The following PVT1 variants were observed in gnomAD, a reference collection of about 807,000 sequenced individuals.
The protein encoded by PVT1 is Pvt1 oncogene, also known as CXCR4/PVT1 fusion.
intron 4 of PVT1, among the ~76,000 whole-genome samples, chr8:128,066,927 C>T (rs557980104): frequency 5.9e-5 from 9 of 152,232 alleles, no homozygotes; most frequent in African/African-American, 1.9e-4. Context: ...TTCTTGCTGG[C>T]CACTGAGCAT....
rs374881885 is a variant in PVT1 at position 128,005,572 on chromosome 8, C to T, written n.912+16281C>T. Among the ~76,000 whole-genome samples the T allele has an allele frequency of 4.6e-5, 7 of 152,292 alleles. No individual in the cohort carries two copies. In the South Asian group the frequency reaches 1.5e-3, roughly 32 times the overall value. On this transcript the variant is annotated intron_variant and non_coding_transcript_variant, in intron 4 of 10. Transcript: ENST00000651587. ...ACTGCAGTGTGTCCTGGAGCCCTGA[C>T]TTAGTTAAACCTCAGAACATCCCTC...
intron 2 of PVT1, among the ~76,000 whole-genome samples, chr8:127,839,569 A>G (rs534510622): frequency 6.6e-6 from 1 of 150,708 alleles, no homozygotes. Flanking sequence ...AAATAAAAAA[A>G]AAATGAAAAA....
intron 2 of PVT1, among the ~76,000 whole-genome samples, chr8:127,797,819 T>C (rs948701792): frequency 6.6e-6 from 1 of 152,160 alleles, no homozygotes; most frequent in African/African-American, 2.4e-5. Flanking sequence ...AATTATATGA[T>C]CTCATTTAAC....
chr8:128,089,588 C>A (rs1218653332), intron 5 of PVT1, among the ~76,000 whole-genome samples: 1 of 152,214 alleles, frequency 6.6e-6, no homozygotes, highest in Non-Finnish European at 1.5e-5. Flanking sequence ...AAGGATTCAA[C>A]ATTGCCCCTG....
chr8:128,092,315 C>T (rs554458749), intron 5 of PVT1, among the ~76,000 whole-genome samples: 37 of 152,028 alleles, frequency 2.4e-4, no homozygotes, highest in African/African-American at 8.7e-4. Flanking sequence ...TCAGGTGTCC[C>T]CAGCTCCCTG....
chr8:127,839,078 A>G lies in PVT1; in HGVS notation n.372+43007A>G, dbSNP rs761630245. ...ATGTGTAGTGAGTAGGCTGTCATCT[A>G]GTTTTGTACAAACTCCCTCTGTAAT... On this transcript the variant is annotated intron_variant and non_coding_transcript_variant, in intron 2 of 10. Coordinates refer to ENST00000651587, the Ensembl canonical transcript of PVT1. 2.0e-4 allele frequency among the ~76,000 whole-genome samples: 30 copies of G among 152,318 alleles called. No individual in the cohort carries two copies. The South Asian group carries it at 2.5e-3, about 13-fold the overall frequency.
At chr8:128,074,543 G>GC (rs1228993412) in intron 5 of PVT1, among the ~76,000 whole-genome samples, 2 of 150,692 alleles carry the variant, frequency 1.3e-5, no homozygotes, top group South Asian at 4.2e-4. Context: ...AAAAGGGGGG[G>GC]GCTCCTTCCC....
At chr8:127,903,346 C>T (rs1268660249) in intron 3 of PVT1, among the ~76,000 whole-genome samples, 1 of 152,176 alleles carries the variant, frequency 6.6e-6, no homozygotes, top group Non-Finnish European at 1.5e-5. Context: ...TTGTCAAATG[C>T]ATACTTTGTG....
At chr8:127,975,138 ATAACCT>A (rs1426608065) in intron 3 of PVT1, among the ~76,000 whole-genome samples, 1 of 152,230 alleles carries the variant, frequency 6.6e-6, no homozygotes, top group African/African-American at 2.4e-5. Context: ...CTTCGTGCAT[ATAACCT>A]TTTTCTTCTT....
intron 3 of PVT1, among the ~76,000 whole-genome samples, chr8:127,933,294 C>T (rs1047715011): frequency 5.9e-5 from 9 of 152,166 alleles, no homozygotes; most frequent in African/African-American, 1.2e-4. Flanking sequence ...AGGCTGGTCT[C>T]GAACTCCCAA....
chr8:127,856,273 C>T (rs187256416), intron 2 of PVT1, among the ~76,000 whole-genome samples: 83 of 151,880 alleles, frequency 5.5e-4, no homozygotes, highest in Non-Finnish European at 9.7e-4. Context: ...GTTGGGTGTC[C>T]TGGGAAGGCT....
chr8:127,938,038 C>T lies in PVT1; in HGVS notation n.782+47040C>T, dbSNP rs192402329. The stretch of plus-strand genomic sequence containing the variant: ...TCCAAGATCAGTCTCTTTCCCTCAG[C>T]GGAAGCCAGCTGGGAATCACTGGCC... On this transcript the variant is annotated intron_variant and non_coding_transcript_variant, in intron 3 of 10. Transcript: ENST00000651587. Among the ~76,000 whole-genome samples the T allele has an allele frequency of 9.8e-5, 15 of 152,296 alleles. No homozygotes were observed. The East Asian group carries it at 1.9e-3, about 20-fold the overall frequency.
At chr8:128,096,420 G>T (rs1179492340) in intron 5 of PVT1, 2 of 152,168 alleles carry the variant, frequency 1.3e-5, no homozygotes, top group Non-Finnish European at 2.9e-5. Flanking sequence ...ATTTGAAGGG[G>T]GCCCTGTCCC....
chr8:127,941,319 T>TA (rs1816346921), intron 3 of PVT1, among the ~76,000 whole-genome samples: 1 of 152,244 alleles, frequency 6.6e-6, no homozygotes, highest in African/African-American at 2.4e-5. Context: ...TCCTTAGGTT[T>TA]AATCACATCT....
At chr8:127,932,344 A>G in intron 3 of PVT1, 1 of 398,368 alleles carries the variant, frequency 2.5e-6, no homozygotes, top group Non-Finnish European at 4.4e-6. Context: ...CTCCTGGTAA[A>G]GGGATGAATA....
chr8:128,041,413 GTT>G (rs60189425), intron 4 of PVT1, among the ~76,000 whole-genome samples: 2 of 150,242 alleles, frequency 1.3e-5, no homozygotes, highest in Non-Finnish European at 3.0e-5. Flanking sequence ...GTGCATGTGT[GTT>G]TGTGCTCGTG....
At chr8:128,033,429 CTG>C in intron 4 of PVT1, among the ~76,000 whole-genome samples, 1 of 152,256 alleles carries the variant, frequency 6.6e-6, no homozygotes, top group African/African-American at 2.4e-5. Context: ...TGGAAGGAAA[CTG>C]GAAGGAAAAG....
At chr8:127,954,354 G>A (rs1475187256) in intron 3 of PVT1, among the ~76,000 whole-genome samples, 1 of 146,368 alleles carries the variant, frequency 6.8e-6, no homozygotes, top group Non-Finnish European at 1.5e-5. Flanking sequence ...GAGTGCAGTG[G>A]CGCCATCTCG....
chr8:127,919,173 G>C (rs1204221399), intron 3 of PVT1, among the ~76,000 whole-genome samples: 1 of 152,156 alleles, frequency 6.6e-6, no homozygotes, highest in East Asian at 1.9e-4. Flanking sequence ...ACTTTTGTTG[G>C]CTTGTTTATT....
Sources: allele counts gnomAD v4.1 joint callset (sites outside exome capture counted in the v4.1 genomes callset), GRCh38; gene constraint gnomAD v4.1.1; transcripts MANE v1.5; gene names NCBI Gene and HGNC (gene_info 2026-07-23, HGNC 2026-07-21).